The following RIMBP2 variants were observed in gnomAD, a reference collection of about 807,000 sequenced individuals.
The protein encoded by RIMBP2 is RIMS binding protein 2.
A neutral mutation model predicts 118.6 loss-of-function variants in RIMBP2; 48 were observed. The ratio of observed to expected loss-of-function variants is 0.40; its 90% CI spans 0.32 to 0.51. The LOEUF is 0.51. Ranked by LOEUF, RIMBP2 falls within the 20% of genes least tolerant of loss-of-function variation. RIMBP2 has a pLI of 0.41. For synonymous variants in RIMBP2, 762 were observed against 742.9 expected (o/e 1.03, Z -0.42); for missense variants, 1,551 against 1,768.3 (o/e 0.88, Z 2.20).
intron 1 of RIMBP2, among the ~76,000 whole-genome samples, chr12:130,702,733 C>T (rs754072448): frequency 4.6e-5 from 7 of 152,052 alleles, no homozygotes; most frequent in Non-Finnish European, 5.9e-5. Flanking sequence ...CATGGCCGGG[C>T]GGTGAGGACA....
At chr12:130,645,523 A>G (rs2062826777) in intron 1 of RIMBP2, among the ~76,000 whole-genome samples, 1 of 152,214 alleles carries the variant, frequency 6.6e-6, no homozygotes, top group Non-Finnish European at 1.5e-5. Flanking sequence ...AGGACACGGG[A>G]TGGGCAGAGA....
intron 4 of RIMBP2, among the ~76,000 whole-genome samples, chr12:130,487,689 C>T (rs1010580528): frequency 1.3e-5 from 2 of 152,164 alleles, no homozygotes; most frequent in African/African-American, 2.4e-5. Context: ...ATTTTATTTA[C>T]GTGTTTATTC....
chr12:130,574,270 G>T (rs1185579018), intron 2 of RIMBP2, among the ~76,000 whole-genome samples: 1 of 152,120 alleles, frequency 6.6e-6, no homozygotes, highest in East Asian at 1.9e-4. Flanking sequence ...TCCTGTTGGG[G>T]GGGTGGCGGT....
rs777114310 is a variant in RIMBP2 at position 130,424,286 on chromosome 12, C to T, written c.2985G>A (p.Arg995=). The T allele has an allele frequency of 3.0e-5, 37 of 1,231,704 alleles. No individual in the cohort carries two copies. The highest frequency in any genetic ancestry group is 4.2e-5 in the Admixed American group (1 of 23,698). The allele number at this position is 1,231,704 out of a possible 1,614,324, so 76.3% of individuals were successfully genotyped here. The change falls in exon 16 of 23, where the codon AGG becomes AGA. Residue 995 remains arginine (R), a synonymous_variant. Coordinates refer to ENST00000690449, the MANE Select transcript of RIMBP2 (RefSeq NM_001393629.1). The surrounding 1 kb of genome is among the most constrained non-coding windows in gnomAD (Gnocchi z 9.8). Reference sequence around the variant, plus strand: ...CCCAGCCGTGCTTCCTGGGGGGCGGCCTCTCCGGGCCGGGCTGGGGGTCGT... The same window carrying T: ...CCCAGCCGTGCTTCCTGGGGGGCGGTCTCTCCGGGCCGGGCTGGGGGTCGT... ...RNDDPQPGPE[R]PPPRKHGWGE... is the part of the protein sequence containing the mutation.
At chr12:130,709,293 C>T (rs1447257292) in intron 1 of RIMBP2, among the ~76,000 whole-genome samples, 3 of 152,262 alleles carry the variant, frequency 2.0e-5, no homozygotes, top group Non-Finnish European at 2.9e-5. Flanking sequence ...TCCACCCTTC[C>T]CACAGAGACA....
intron 4 of RIMBP2, among the ~76,000 whole-genome samples, chr12:130,505,236 G>C (rs4237817): frequency 0.4 from 60,825 of 151,964 alleles, 12,695 homozygotes; most frequent in Non-Finnish European, 0.45. Flanking sequence ...TTCACATTCA[G>C]GGCCGGTAGT....
At chr12:130,583,486 C>CA (rs2058609251) in intron 2 of RIMBP2, among the ~76,000 whole-genome samples, 1 of 125,608 alleles carries the variant, frequency 8.0e-6, no homozygotes, top group Non-Finnish European at 1.8e-5. Context: ...TCACCATCAC[C>CA]TCATCACCAT....
intron 15 of RIMBP2, chr12:130,427,879 G>A: frequency 3.6e-6 from 1 of 276,906 alleles, no homozygotes; most frequent in Non-Finnish European, 6.7e-6. Context: ...TGTGGAGGGG[G>A]TTCTTCTTTG....
At chr12:130,533,885 G>T (rs1312980416) in intron 2 of RIMBP2, among the ~76,000 whole-genome samples, 1 of 152,166 alleles carries the variant, frequency 6.6e-6, no homozygotes, top group Non-Finnish European at 1.5e-5. Context: ...GGAATGATAG[G>T]CTGGGTGCGG....
At chr12:130,537,139 G>A (rs2054153473) in intron 2 of RIMBP2, among the ~76,000 whole-genome samples, 1 of 152,168 alleles carries the variant, frequency 6.6e-6, no homozygotes, top group South Asian at 2.1e-4. Flanking sequence ...TTCCAGGGCA[G>A]AACAATGATG....
Position 130,442,512 on chromosome 12 carries a change from G to A in RIMBP2, c.840C>T (p.His280=), listed in dbSNP as rs1361763433. The A allele has an allele frequency of 6.2e-7, 1 of 1,614,178 alleles. No homozygotes were observed. Among genetic ancestry groups the A allele is most frequent in the South Asian group, 1.1e-5 (1 of 91,086 alleles). The change falls in exon 11 of 23, where the codon CAC becomes CAT. Residue 280 remains histidine, a synonymous_variant. Coordinates refer to ENST00000690449, the MANE Select transcript of RIMBP2 (RefSeq NM_001393629.1). This position sits in a 1 kb window ranked among gnomAD's most constrained non-coding sequence, Gnocchi z 6.9. The stretch of plus-strand genomic sequence containing the variant: ...GGGTTGGGGAGTGGAGGTCCAGGAT[G>A]TGCTCTCCCTCCAGGCCGATGCCGG... ...NHSGIGLEGE[H]ILDLHSPTHI... is the part of the protein sequence containing the mutation.
chr12:130,573,541 C>T (rs897098640), intron 2 of RIMBP2, among the ~76,000 whole-genome samples: 12 of 152,056 alleles, frequency 7.9e-5, no homozygotes, highest in African/African-American at 2.2e-4. Context: ...AATGTATTAG[C>T]GATTCTCTGA....
Position 130,450,339 on chromosome 12 carries a change from G to C in RIMBP2, c.505-63C>G. The C allele has an allele frequency of 7.8e-7, 1 of 1,285,762 alleles. No homozygotes were observed. Among genetic ancestry groups the C allele is most frequent in the Non-Finnish European group, 1.1e-6 (1 of 899,916 alleles). 79.6% of individuals were successfully genotyped at this position (1,285,762 alleles called of 1,614,324 possible). A position where few individuals can be genotyped will look rare whatever the true frequency, so the allele number is the denominator to read the frequency against. ...TGGAGGTGTCCCACCCCATTCCCGCGGCACACGGGAAAGCCCCTCGCAGCT... is the reference window on the plus strand; with the variant it reads ...TGGAGGTGTCCCACCCCATTCCCGCCGCACACGGGAAAGCCCCTCGCAGCT... On this transcript the variant is annotated intron_variant, in intron 8 of 22. Transcript: ENST00000690449. The surrounding 1 kb of genome is among the most constrained non-coding windows in gnomAD (Gnocchi z 4.8).
At chr12:130,476,838 G>A (rs1254077498) in intron 5 of RIMBP2, among the ~76,000 whole-genome samples, 1 of 152,020 alleles carries the variant, frequency 6.6e-6, no homozygotes. Flanking sequence ...CTGTGTTCCT[G>A]CTTCTGGAAC....
intron 4 of RIMBP2, among the ~76,000 whole-genome samples, chr12:130,481,586 G>A (rs2082015118): frequency 6.6e-6 from 1 of 152,146 alleles, no homozygotes; most frequent in African/African-American, 2.4e-5. Context: ...GTTGCTATGG[G>A]AACTCTCACA....
chr12:130,438,334 A>ATGGCCCCCCCCC, intron 12 of RIMBP2, 31 bp downstream of exon 12: 1 of 1,344,518 alleles, frequency 7.4e-7, no homozygotes, highest in Non-Finnish European at 1.1e-6. Flanking sequence ...GGGCCTAACA[A>ATGGCCCCCCCCC]ACCCTCCCCA....
rs189943878 is a variant in RIMBP2 at position 130,622,007 on chromosome 12, G to T, written c.-217+6315C>A. Among the ~76,000 whole-genome samples, 65 of 152,258 alleles carry T rather than the reference G, an allele frequency of 4.3e-4. No homozygotes were observed. Among genetic ancestry groups the T allele is most frequent in the Non-Finnish European group, 7.9e-4 (54 of 68,014 alleles). On this transcript the variant is annotated intron_variant, in intron 2 of 22. Transcript: ENST00000690449. The surrounding 1 kb of genome is among the most constrained non-coding windows in gnomAD (Gnocchi z 8.5). ...TTGTCTACTTTAAAAAATAATAACA[G>T]AACAAAATGAAACCAACAAAATGGA... is the stretch of plus-strand genomic sequence containing the variant.
chr12:130,542,374 A>AATC, intron 2 of RIMBP2, among the ~76,000 whole-genome samples: 2 of 152,300 alleles, frequency 1.3e-5, no homozygotes, highest in East Asian at 3.9e-4. Flanking sequence ...CTAGTCTACA[A>AATC]TACTCTTGTT....
intron 1 of RIMBP2, among the ~76,000 whole-genome samples, chr12:130,697,366 T>A (rs1395140829): frequency 6.6e-6 from 1 of 151,978 alleles, no homozygotes; most frequent in Non-Finnish European, 1.5e-5. Flanking sequence ...ACAAAATATC[T>A]CTACAAAATA....
Sources: allele counts gnomAD v4.1 joint callset (sites outside exome capture counted in the v4.1 genomes callset), GRCh38; gene constraint gnomAD v4.1.1; non-coding constraint Gnocchi (gnomAD v3.1); transcripts MANE v1.5; gene names NCBI Gene and HGNC (gene_info 2026-07-23, HGNC 2026-07-21).